The following ABCA12 variants were observed in gnomAD, a reference collection of about 807,000 sequenced individuals.
ABCA12 encodes ATP binding cassette subfamily A member 12.
A neutral mutation model predicts 293.5 loss-of-function variants in ABCA12; 156 were observed. The ratio of observed to expected loss-of-function variants is 0.53; its 90% CI spans 0.47 to 0.61. The LOEUF (loss-of-function observed/expected upper bound fraction) is 0.61, where lower values mean the gene tolerates loss of function less well. Among genes scored for constraint, ABCA12 ranks in the 20% least tolerant of loss-of-function variants. ABCA12 has a pLI of 0.00. For missense variants in ABCA12, 2,797 were observed against 3,090.2 expected (o/e 0.91, Z 2.25); for synonymous variants, 1,063 against 1,108.0 (o/e 0.96, Z 0.81).
At chr2:214,966,215 A>G (rs966853023) in intron 39 of ABCA12, among the ~76,000 whole-genome samples, 1 of 152,174 alleles carries the variant, frequency 6.6e-6, no homozygotes, top group East Asian at 1.9e-4. Flanking sequence ...GTGGGGAACA[A>G]CACACACTGG....
intron 1 of ABCA12, among the ~76,000 whole-genome samples, chr2:215,120,179 C>G (rs1486752423): frequency 6.6e-6 from 1 of 152,166 alleles, no homozygotes; most frequent in African/African-American, 2.4e-5. Context: ...GAACAGAAAA[C>G]TAAATACTCT....
chr2:215,066,821 T>G (rs1171543439), intron 2 of ABCA12, among the ~76,000 whole-genome samples: 1 of 152,084 alleles, frequency 6.6e-6, no homozygotes, highest in Non-Finnish European at 1.5e-5. Context: ...TGCCGTAATC[T>G]TTTAATCAAG....
chr2:215,026,857 C>T lies in ABCA12; in HGVS notation c.1143G>A (p.Val381=), dbSNP rs530369775. The part of the protein sequence containing the change: ...NSPYIPYLAC[V]RNVTDSLARG... ...TGGCCAAACTGTCAGTCACATTTCT[C>T]ACACATGCCAAGTAAGGAATATAAG... is the stretch of plus-strand genomic sequence containing the variant. The change falls in exon 10 of 53, where the codon GTG becomes GTA. Residue 381 remains valine, a synonymous_variant. Coordinates refer to ENST00000272895, the MANE Select transcript of ABCA12 (RefSeq NM_173076.3). 8.1e-6 allele frequency: 13 copies of T among 1,613,514 alleles called. No individual in the cohort carries two copies. The highest frequency in any genetic ancestry group is 8.0e-5 in the African/African-American group (6 of 75,046).
chr2:214,954,745 T>C (rs1161264817), intron 43 of ABCA12, among the ~76,000 whole-genome samples: 2 of 152,212 alleles, frequency 1.3e-5, no homozygotes, highest in Non-Finnish European at 2.9e-5. Context: ...CAGCTCTGAA[T>C]GGAAAGTGAT....
At chr2:214,982,161 G>C (rs756802873) in intron 30 of ABCA12, 26 bp downstream of exon 30, 1 of 1,611,012 alleles carries the variant, frequency 6.2e-7, no homozygotes, top group South Asian at 1.1e-5. Context: ...CTGTTGGGTG[G>C]AGAAGTTCTG....
chr2:214,970,703 T>C (rs929801470), intron 36 of ABCA12, among the ~76,000 whole-genome samples: 17 of 152,124 alleles, frequency 1.1e-4, no homozygotes, highest in African/African-American at 4.1e-4. Flanking sequence ...GCTTAATATG[T>C]TTGGACAATA....
In ABCA12 at chr2:214,937,534, C is replaced by A. The variant is rs771929158; in HGVS notation, c.7518G>T (p.Leu2506=). ...CTTTTAAGTATGTTTTTGGAAAGTG[C>A]AGCTGCATGAACTTTGTGAGGGTCT... ...TMETLTKFMQ[L]HFPKTYLKDQ... The change falls in exon 51 of 53, where the codon CTG becomes CTT. Residue 2506 remains leucine (L), a synonymous_variant. Transcript: ENST00000272895. 1 of 1,613,710 alleles carries A rather than the reference C, an allele frequency of 6.2e-7. No homozygotes were observed. The highest frequency in any genetic ancestry group is 1.1e-5 in the South Asian group (1 of 91,074).
intron 2 of ABCA12, among the ~76,000 whole-genome samples, chr2:215,077,926 A>C (rs1407949550): frequency 6.6e-6 from 1 of 152,178 alleles, no homozygotes; most frequent in Non-Finnish European, 1.5e-5. Context: ...CACACAAAAA[A>C]CGTAAAGCAC....
chr2:215,064,292 C>CTGG, intron 2 of ABCA12, 73 bp from the exon 3 acceptor site: 1 of 1,481,956 alleles, frequency 6.7e-7, no homozygotes, highest in Non-Finnish European at 9.1e-7. Context: ...GCAGTAACTC[C>CTGG]ACTTTGTGAA....
chr2:214,963,584 A>T (rs891462923), intron 39 of ABCA12, among the ~76,000 whole-genome samples: 28 of 145,164 alleles, frequency 1.9e-4, no homozygotes, highest in Non-Finnish European at 4.0e-4. Context: ...ATCATCTGAT[A>T]CCAAAACCTG....
At chr2:214,959,986 A>C (rs373452690) in intron 39 of ABCA12, among the ~76,000 whole-genome samples, 88 of 152,138 alleles carry the variant, frequency 5.8e-4, no homozygotes, top group African/African-American at 2.1e-3. Flanking sequence ...ACTAAGTGAG[A>C]GCTTTCTCAC....
At position 215,138,290 on chromosome 2, in the gene ABCA12, G is replaced by C; in HGVS notation, c.-82C>G. On this transcript the variant is annotated 5_prime_UTR_variant, in exon 1 of 53. Coordinates refer to ENST00000272895, the MANE Select transcript of ABCA12 (RefSeq NM_173076.3). Reference sequence around the variant, plus strand: ...GAACTGATGCCCCGTCCAACTTGCTGTATGTCAGTGTATCAGTACCCCTTT... The same window carrying C: ...GAACTGATGCCCCGTCCAACTTGCTCTATGTCAGTGTATCAGTACCCCTTT... The C allele has an allele frequency of 1.4e-6, 2 of 1,406,062 alleles. No homozygotes were observed. Among genetic ancestry groups the C allele is most frequent in the Non-Finnish European group, 1.0e-6 (1 of 991,162 alleles). 87.1% of individuals were successfully genotyped at this position (1,406,062 alleles called of 1,614,324 possible). A position where few individuals can be genotyped will look rare whatever the true frequency, so the allele number is the denominator to read the frequency against.
At chr2:215,130,141 T>C (rs79771267) in intron 1 of ABCA12, among the ~76,000 whole-genome samples, 5,209 of 152,278 alleles carry the variant, frequency 0.034, 147 homozygotes, top group African/African-American at 0.065. Context: ...GTAGTATAAT[T>C]TGAAGTCAGG....
chr2:215,115,107 G>A (rs917214183), intron 1 of ABCA12, among the ~76,000 whole-genome samples: 5 of 152,094 alleles, frequency 3.3e-5, no homozygotes, highest in South Asian at 2.1e-4. Flanking sequence ...TACCAGAGAC[G>A]TTTAAGGCAT....
chr2:215,134,348 GTGTATATA>G (rs1199816276), intron 1 of ABCA12, among the ~76,000 whole-genome samples: 1 of 141,418 alleles, frequency 7.1e-6, no homozygotes, highest in African/African-American at 2.7e-5. Context: ...ATATGTATAT[GTGTATATA>G]TGTATATGTG....
intron 3 of ABCA12, among the ~76,000 whole-genome samples, chr2:215,062,064 T>C (rs1701538564): frequency 6.6e-6 from 1 of 152,044 alleles, no homozygotes; most frequent in South Asian, 2.1e-4. Context: ...AGTAAACCTC[T>C]TTGTGAAGAT....
At chr2:215,093,130 C>G (rs1046120511) in intron 2 of ABCA12, among the ~76,000 whole-genome samples, 1 of 152,158 alleles carries the variant, frequency 6.6e-6, no homozygotes, top group Non-Finnish European at 1.5e-5. Flanking sequence ...AAAGGGATAT[C>G]GCATATCCCC....
chr2:214,993,835 A>C (rs1375000635), intron 23 of ABCA12, among the ~76,000 whole-genome samples: 2 of 152,184 alleles, frequency 1.3e-5, no homozygotes, highest in Non-Finnish European at 2.9e-5. Flanking sequence ...TATATTGAGA[A>C]TGTTCTTCAT....
Position 214,983,700 on chromosome 2 carries a change from A to G in ABCA12, c.4329T>C (p.Gly1443=). The G allele has an allele frequency of 2.5e-6, 4 of 1,614,092 alleles. No individual in the cohort carries two copies. The highest frequency in any genetic ancestry group is 3.4e-6 in the Non-Finnish European group (4 of 1,180,008). Residue 1443 remains glycine (G), a synonymous_variant, in exon 29 of 53, where the codon GGT becomes GGC. Transcript: ENST00000272895. The stretch of plus-strand genomic sequence containing the variant: ...TAGTCCAGTGAGGAACTTTGATGGA[A>G]CCATATAGGAGAAGGTGCTCCTTAG... ...LTTKEHLLLY[G]SIKVPHWTKK...
Sources: gnomAD v4.1 joint callset for allele counts (sites outside exome capture counted in the v4.1 genomes callset) on GRCh38, gnomAD v4.1.1 for gene constraint, MANE v1.5 for transcripts, NCBI Gene and HGNC (gene_info 2026-07-23, HGNC 2026-07-21) for gene names.